Variants in HOMER2 observed in about 807,000 individuals in gnomAD.
The protein encoded by HOMER2 is homer protein homolog 2.
A neutral mutation model predicts 47.0 loss-of-function variants in HOMER2; 27 were observed. The observed-to-expected ratio is 0.57, with a 90% CI of 0.42 to 0.79. The LOEUF (loss-of-function observed/expected upper bound fraction) is 0.79, where lower values mean the gene tolerates loss of function less well. Among genes scored for constraint, HOMER2 ranks in the 30% least tolerant of loss-of-function variants. The pLI is 0.00. For missense variants in HOMER2, 443 were observed against 435.0 expected (o/e 1.02, Z -0.16); for synonymous variants, 161 against 163.8 (o/e 0.98, Z 0.13).
At chr15:82,850,548 T>A (rs941585714) in intron 8 of HOMER2, among the ~76,000 whole-genome samples, 1 of 152,234 alleles carries the variant, frequency 6.6e-6, no homozygotes, top group Admixed American at 6.5e-5. Context: ...AAATGAGCCA[T>A]AAGCCTTTAA....
At chr15:82,850,286 G>A (rs1422853102) in intron 8 of HOMER2, among the ~76,000 whole-genome samples, 5 of 152,258 alleles carry the variant, frequency 3.3e-5, no homozygotes, top group Non-Finnish European at 5.9e-5. Context: ...CATCCTGAGA[G>A]ACAGAACAGA....
downstream of HOMER2, chr15:82,844,635 T>C (rs1045899006): frequency 1.3e-5 from 2 of 152,206 alleles, no homozygotes; most frequent in Admixed American, 6.5e-5. Context: ...TTGGTTTTTT[T>C]CCCACTCATC....
intron 1 of HOMER2, among the ~76,000 whole-genome samples, chr15:82,941,647 C>T (rs1159483601): frequency 6.6e-6 from 1 of 151,766 alleles, no homozygotes; most frequent in South Asian, 2.1e-4. Context: ...CAAGCTGCTC[C>T]CCTGACCTCC....
At position 82,849,730 on chromosome 15, in the gene HOMER2, C is replaced by T. The variant is rs2051326115; in HGVS notation, c.1017G>A (p.Leu339=). Residue 339 remains leucine (L), a synonymous_variant, in exon 9 of 9, where the codon CTG becomes CTA. Transcript: ENST00000450735. ...LHDFRRGLSK[L]GTDN ...TCGGCCAGCCCTAGTTATCGGTGCCCAGCTTGGAGAGCCCTCGGCGGAAGT... is the reference window on the plus strand; with the variant it reads ...TCGGCCAGCCCTAGTTATCGGTGCCTAGCTTGGAGAGCCCTCGGCGGAAGT... 1 of 1,613,480 alleles carries T rather than the reference C, an allele frequency of 6.2e-7. No homozygotes were observed. The highest frequency in any genetic ancestry group is 2.2e-5 in the East Asian group (1 of 44,864).
chr15:82,930,008 C>T (rs944876783), intron 1 of HOMER2, among the ~76,000 whole-genome samples: 4 of 152,182 alleles, frequency 2.6e-5, no homozygotes, highest in Non-Finnish European at 2.9e-5. Context: ...GGATTACAGG[C>T]GTGAGCCACC....
chr15:82,920,114 T>C (rs185429594), intron 1 of HOMER2, among the ~76,000 whole-genome samples: 1 of 152,334 alleles, frequency 6.6e-6, no homozygotes, highest in East Asian at 1.9e-4. Flanking sequence ...GGCCCATTCA[T>C]AGCCATCTGT....
rs141504324 is a variant in HOMER2, at chr15:82,904,809, C to G, written c.6-11968G>C. Among the ~76,000 whole-genome samples the G allele has an allele frequency of 6.4e-4, 97 of 152,294 alleles. No individual in the cohort carries two copies. In the East Asian group the frequency reaches 0.017, roughly 27 times the overall value. On this transcript the variant is annotated intron_variant, in intron 1 of 8. Coordinates refer to ENST00000450735, the MANE Select transcript of HOMER2 (RefSeq NM_004839.4). ...TCCCCCGGACCTTATCACCACATTA[C>G]TAAAGGCCTATTTATGCAGTTCCCT...
At chr15:82,960,030 G>A (rs1669600802) in intron 1 of HOMER2, among the ~76,000 whole-genome samples, 1 of 152,190 alleles carries the variant, frequency 6.6e-6, no homozygotes, top group Non-Finnish European at 1.5e-5. Flanking sequence ...GAAGGTGCCT[G>A]TGTGTATATC....
intron 1 of HOMER2, among the ~76,000 whole-genome samples, chr15:82,931,005 G>C (rs1030307828): frequency 1.3e-5 from 2 of 151,870 alleles, no homozygotes; most frequent in Non-Finnish European, 2.9e-5. Context: ...TGCACACCCC[G>C]CCTATGAGAG....
intron 1 of HOMER2, among the ~76,000 whole-genome samples, chr15:82,974,922 T>C (rs1238730097): frequency 2.6e-5 from 4 of 151,942 alleles, no homozygotes; most frequent in Non-Finnish European, 5.9e-5. Flanking sequence ...ATACAAAAAT[T>C]AGCTGGGCGT....
intron 2 of HOMER2, among the ~76,000 whole-genome samples, chr15:82,878,387 C>CAGG (rs2052418475): frequency 6.6e-6 from 1 of 152,138 alleles, no homozygotes; most frequent in South Asian, 2.1e-4. Context: ...GTCAAGGGAC[C>CAGG]TGTTCAAGGT....
At chr15:82,956,239 CAAA>C (rs34193575), upstream of HOMER2, among the ~76,000 whole-genome samples, 1 of 92,018 alleles carries the variant, frequency 1.1e-5, no homozygotes. Context: ...GACTCCATCT[CAAA>C]AAAAAAAAAA....
At position 82,853,419 on chromosome 15, in the gene HOMER2, G is replaced by A. The variant is rs772809531; in HGVS notation, c.652-1167C>T. The stretch of plus-strand genomic sequence containing the variant: ...TCAGCAATTGGCCTGGTGCCCAACC[G>A]TCAGCACCAAGATGAAAAAATGACA... On this transcript the variant is annotated intron_variant, in intron 6 of 8. Transcript: ENST00000450735. Among the ~76,000 whole-genome samples, 9 of 152,328 alleles carry A rather than the reference G, an allele frequency of 5.9e-5. No individual in the cohort carries two copies. In the East Asian group the frequency reaches 1.2e-3, roughly 20 times the overall value.
At chr15:82,876,453 C>T (rs1168364493) in intron 2 of HOMER2, among the ~76,000 whole-genome samples, 1 of 152,152 alleles carries the variant, frequency 6.6e-6, no homozygotes, top group Admixed American at 6.5e-5. Context: ...AGGGCAAAGA[C>T]ATCAAACAAT....
chr15:82,921,950 T>A (rs2053739787), intron 1 of HOMER2, among the ~76,000 whole-genome samples: 1 of 152,226 alleles, frequency 6.6e-6, no homozygotes. Context: ...TTTTAATGGG[T>A]TCTGGGGAGA....
intron 2 of HOMER2, among the ~76,000 whole-genome samples, chr15:82,875,889 C>A (rs2052333995): frequency 6.6e-6 from 1 of 152,220 alleles, no homozygotes; most frequent in African/African-American, 2.4e-5. Context: ...GGAGCAGGTA[C>A]AGTCCAATTA....
chr15:82,857,763 G>A (rs141099538), intron 5 of HOMER2, among the ~76,000 whole-genome samples: 113 of 152,136 alleles, frequency 7.4e-4, no homozygotes, highest in Admixed American at 2.5e-3. Context: ...CTCTGAGGAG[G>A]GGGGCTTCTC....
rs751498668 is a variant in HOMER2 at position 82,852,433 on chromosome 15, C to T, written c.652-181G>A. 44 of 549,624 alleles carry T rather than the reference C, an allele frequency of 8.0e-5. 1 individual carries two copies. The highest frequency in any genetic ancestry group is 4.7e-4 in the African/African-American group (24 of 51,526). The allele number at this position is 549,624 out of a possible 1,614,324, so 34.0% of individuals were successfully genotyped here. A position where few individuals can be genotyped will look rare whatever the true frequency, so the allele number is the denominator to read the frequency against. ...AGCTCCATCATGGGGCTGCCTGCACCGCTTGCATGGGACCTGCTTTGCACA... is the reference window on the plus strand; with the variant it reads ...AGCTCCATCATGGGGCTGCCTGCACTGCTTGCATGGGACCTGCTTTGCACA... On this transcript the variant is annotated intron_variant, in intron 6 of 8. Transcript: ENST00000450735.
chr15:82,837,603 C>G (rs1474815530), exon 2 of HOMER2: 1 of 152,226 alleles, frequency 6.6e-6, no homozygotes, highest in Non-Finnish European at 1.5e-5. Flanking sequence ...GATCCTGAAG[C>G]CTGGTATTCA....
Sources: allele counts gnomAD v4.1 joint callset (sites outside exome capture counted in the v4.1 genomes callset), GRCh38; gene constraint gnomAD v4.1.1; transcripts MANE v1.5; gene names NCBI Gene and HGNC (gene_info 2026-07-23, HGNC 2026-07-21).